The following FAM89A variants were observed in gnomAD, a reference collection of about 807,000 sequenced individuals.
FAM89A encodes family with sequence similarity 89 member A, also known as protein FAM89A.
A neutral mutation model predicts 7.1 loss-of-function variants in FAM89A; 10 were observed. The observed-to-expected ratio is 1.40, with a 90% CI of 0.86 to 2.38. FAM89A has a LOEUF of 2.38. Among genes scored for constraint, FAM89A ranks in the 30% most tolerant of loss-of-function variants. FAM89A has a pLI of 0.00. For missense variants in FAM89A, 276 were observed against 262.8 expected (o/e 1.05, Z -0.35); for synonymous variants, 157 against 129.3 (o/e 1.21, Z -1.45).
chr1:231,039,850 C>T, intron 1 of FAM89A, 71 bp downstream of exon 1: 14 of 1,256,898 alleles, frequency 1.1e-5, no homozygotes, highest in Non-Finnish European at 1.3e-5. Context: ...GGACAGAGCG[C>T]GGTCCCCGCG....
chr1:231,032,546 C>T (rs904697151), intron 1 of FAM89A, among the ~76,000 whole-genome samples: 6 of 151,948 alleles, frequency 3.9e-5, no homozygotes, highest in African/African-American at 1.5e-4. Flanking sequence ...TGTTAAACAC[C>T]TTGCCACTTC....
chr1:231,035,107 G>T (rs1003629385), intron 1 of FAM89A, among the ~76,000 whole-genome samples: 3 of 152,170 alleles, frequency 2.0e-5, no homozygotes, highest in Non-Finnish European at 4.4e-5. Context: ...TAAGACACTG[G>T]TTTCACATAA....
Position 231,040,100 on chromosome 1 carries a change from C to A in FAM89A, c.112G>T (p.Ala38Ser), listed in dbSNP as rs552138002. The change falls in exon 1 of 2, where the codon GCG becomes TCG. Residue 38 changes from alanine to serine, a missense_variant. Transcript: ENST00000366654. ...CCCCCAGACGCGCCGCCGCCCGACG[C>A]CGAGTGCAGCAGCCCGCTCAAGCTC... is the stretch of plus-strand genomic sequence containing the variant. The part of the protein sequence containing the change: ...PKSLSGLLHS[A>S]SGGGASGGWR... 1.4e-6 allele frequency: 2 copies of A among 1,436,248 alleles called. No homozygotes were observed. The highest frequency in any genetic ancestry group is 2.8e-5 in the South Asian group (2 of 71,728). 89.0% of individuals were successfully genotyped at this position (1,436,248 alleles called of 1,614,324 possible).
chr1:231,031,890 C>T (rs1023922374), intron 1 of FAM89A, among the ~76,000 whole-genome samples: 2 of 152,158 alleles, frequency 1.3e-5, no homozygotes, highest in African/African-American at 4.8e-5. Context: ...CCATTATCCA[C>T]TTGTGTGGAT....
At chr1:231,035,139 T>G (rs1378809103) in intron 1 of FAM89A, among the ~76,000 whole-genome samples, 1 of 152,202 alleles carries the variant, frequency 6.6e-6, no homozygotes, top group African/African-American at 2.4e-5. Flanking sequence ...TGTACTCCAC[T>G]GGGGTGTCAG....
At chr1:231,033,345 G>C (rs985149809) in intron 1 of FAM89A, among the ~76,000 whole-genome samples, 11 of 152,230 alleles carry the variant, frequency 7.2e-5, no homozygotes, top group African/African-American at 1.4e-4. Context: ...TGAAAAGCTT[G>C]GTTTTTCAAA....
At chr1:231,031,871 G>A (rs1265225126) in intron 1 of FAM89A, among the ~76,000 whole-genome samples, 3 of 151,826 alleles carry the variant, frequency 2.0e-5, no homozygotes, top group African/African-American at 7.3e-5. Context: ...ACACATCCAT[G>A]TATAAGTGCC....
chr1:231,020,512 C>T (rs188568555), intron 1 of FAM89A, among the ~76,000 whole-genome samples: 284 of 152,328 alleles, frequency 1.9e-3, no homozygotes, highest in African/African-American at 6.7e-3. Flanking sequence ...AGAAGACCCA[C>T]ATTGGCCTTC....
intron 1 of FAM89A, among the ~76,000 whole-genome samples, chr1:231,033,555 C>T (rs567831523): frequency 6.5e-4 from 99 of 152,274 alleles, no homozygotes; most frequent in African/African-American, 2.3e-3. Context: ...GGGGAGGCAC[C>T]GCTGTCTGCA....
At position 231,019,629 on chromosome 1, in the gene FAM89A, G is replaced by C; in HGVS notation, c.*234C>G. ...AGGTGCACCTCAATAAATAGGTGTG[G>C]AGGATACTGCTGAGGACCTCTAGGT... On this transcript the variant is annotated 3_prime_UTR_variant, in exon 2 of 2. Transcript: ENST00000366654. 1.9e-6 allele frequency: 1 copy of C among 520,572 alleles called. No individual in the cohort carries two copies. The highest frequency in any genetic ancestry group is 2.5e-5 in the South Asian group (1 of 39,424). 32.2% of individuals were successfully genotyped at this position (520,572 alleles called of 1,614,324 possible). A position where few individuals can be genotyped will look rare whatever the true frequency, so the allele number is the denominator to read the frequency against.
At chr1:231,036,658 G>C (rs1370431580) in intron 1 of FAM89A, among the ~76,000 whole-genome samples, 1 of 151,910 alleles carries the variant, frequency 6.6e-6, no homozygotes, top group Admixed American at 6.6e-5. Flanking sequence ...CTCAGCCCTG[G>C]GCTCCAGCTC....
chr1:231,032,793 G>A (rs1680097472), intron 1 of FAM89A, among the ~76,000 whole-genome samples: 2 of 152,198 alleles, frequency 1.3e-5, no homozygotes, highest in Admixed American at 1.3e-4. Context: ...GGCTGGGACA[G>A]GCCTGGGGTT....
chr1:231,031,383 C>A (rs1383939817), intron 1 of FAM89A, among the ~76,000 whole-genome samples: 1 of 152,082 alleles, frequency 6.6e-6, no homozygotes, highest in African/African-American at 2.4e-5. Context: ...TGGAACTATA[C>A]CAATGAAATG....
At chr1:231,032,224 A>AT (rs1274841559) in intron 1 of FAM89A, among the ~76,000 whole-genome samples, 4 of 152,232 alleles carry the variant, frequency 2.6e-5, no homozygotes, top group African/African-American at 9.6e-5. Flanking sequence ...ATTATATTGC[A>AT]ATTCTGCTTT....
chr1:231,025,847 G>A (rs572835703), intron 1 of FAM89A, among the ~76,000 whole-genome samples: 1 of 152,020 alleles, frequency 6.6e-6, no homozygotes, highest in Admixed American at 6.5e-5. Flanking sequence ...TGATGCTGAT[G>A]CTCAGTTCCA....
At chr1:231,038,890 G>T (rs1268540113) in intron 1 of FAM89A, among the ~76,000 whole-genome samples, 4 of 152,090 alleles carry the variant, frequency 2.6e-5, no homozygotes, top group Non-Finnish European at 5.9e-5. Context: ...TTTAGTTTTG[G>T]GAAAAGGCAG....
intron 1 of FAM89A, among the ~76,000 whole-genome samples, chr1:231,031,412 A>G (rs1418425985): frequency 6.6e-6 from 1 of 152,212 alleles, no homozygotes; most frequent in African/African-American, 2.4e-5. Context: ...CTATTACATT[A>G]AAACCCATCA....
intron 1 of FAM89A, 127 bp downstream of exon 1, chr1:231,039,794 C>T (rs1311637552): frequency 1.0e-5 from 10 of 981,918 alleles, no homozygotes; most frequent in Non-Finnish European, 1.3e-5. Context: ...GGCGCCGGCG[C>T]CTGGGGCGGA....
intron 1 of FAM89A, among the ~76,000 whole-genome samples, chr1:231,029,453 C>T (rs1269403696): frequency 2.0e-5 from 3 of 151,818 alleles, no homozygotes. Flanking sequence ...GATCGCACCA[C>T]TGCACTCCAA....
Sources: gnomAD v4.1 joint callset for allele counts (sites outside exome capture counted in the v4.1 genomes callset) on GRCh38, gnomAD v4.1.1 for gene constraint, MANE v1.5 for transcripts, NCBI Gene and HGNC (gene_info 2026-07-23, HGNC 2026-07-21) for gene names.